ANXA8: variants seen among roughly 807,000 people sequenced by gnomAD.
The protein encoded by ANXA8 is annexin A8.
In ANXA8, 9 loss-of-function variants were observed where a neutral mutation model predicts 26.8. That is an observed-to-expected ratio of 0.34 (90% CI 0.20 to 0.59). ANXA8 has a LOEUF of 0.59. ANXA8 is among the 20% of genes least tolerant of loss of function. ANXA8 has a pLI of 0.84. For missense variants in ANXA8, 83 were observed against 238.5 expected (o/e 0.35, Z 4.29); for synonymous variants, 39 against 94.8 (o/e 0.41, Z 3.42).
At chr10:47,883,321 C>G in the ANXA8 span, among the ~76,000 whole-genome samples, 761 of 2,240 alleles carry the variant, frequency 0.34, 108 homozygotes, top group East Asian at 0.4. Context: ...AGGGCACGTG[C>G]CTGTTCCCAG....
At chr10:47,970,873 C>T in the ANXA8 span, among the ~76,000 whole-genome samples, 23 of 151,276 alleles carry the variant, frequency 1.5e-4, 1 homozygote, top group Non-Finnish European at 2.8e-4. Context: ...AGCTAAGGTG[C>T]TGGGCACACC....
chr10:47,594,981 C>T, the ANXA8 span, among the ~76,000 whole-genome samples: 1 of 149,366 alleles, frequency 6.7e-6, no homozygotes, highest in Non-Finnish European at 1.5e-5. Flanking sequence ...CCAAGGTTAA[C>T]ACAAAAGAAA....
chr10:47,920,623 C>T, the ANXA8 span: 2 of 126,632 alleles, frequency 1.6e-5, no homozygotes, highest in African/African-American at 6.0e-5. Context: ...ATACATATGG[C>T]CATGATATGA....
chr10:47,937,177 C>T, the ANXA8 span, among the ~76,000 whole-genome samples: 1 of 149,926 alleles, frequency 6.7e-6, no homozygotes, highest in South Asian at 2.1e-4. Context: ...GCTATGGGGG[C>T]TCTGGTCCAA....
the ANXA8 span, among the ~76,000 whole-genome samples, chr10:47,553,116 T>A: frequency 1.3e-3 from 200 of 152,074 alleles, no homozygotes; most frequent in African/African-American, 4.5e-3. Flanking sequence ...ATATTGCTTC[T>A]CTACTATATT....
At chr10:47,976,567 A>ACACACC in the ANXA8 span, among the ~76,000 whole-genome samples, 1 of 146,780 alleles carries the variant, frequency 6.8e-6, no homozygotes, top group Admixed American at 6.9e-5. Context: ...ACACACACAC[A>ACACACC]CACACAATTA....
the ANXA8 span, among the ~76,000 whole-genome samples, chr10:47,733,146 TTTC>T: frequency 3.2e-4 from 14 of 43,666 alleles, no homozygotes; most frequent in African/African-American, 1.3e-3. Context: ...CTCCCTAATC[TTTC>T]TTTCTTTCTT....
At chr10:47,502,708 C>T in the ANXA8 span, 1,776 of 1,608,262 alleles carry the variant, frequency 1.1e-3, 26 homozygotes, top group South Asian at 9.8e-3. Flanking sequence ...GGCGTTCCCA[C>T]GCATGTTTTG....
At chr10:47,536,732 G>C in the ANXA8 span, among the ~76,000 whole-genome samples, 1 of 125,600 alleles carries the variant, frequency 8.0e-6, no homozygotes, top group Non-Finnish European at 1.6e-5. Context: ...TGAGAGGGAG[G>C]ATCACTTGAG....
the ANXA8 span, among the ~76,000 whole-genome samples, chr10:47,679,525 G>A: frequency 6.6e-6 from 1 of 152,156 alleles, no homozygotes; most frequent in Admixed American, 6.5e-5. Context: ...TGAGGTGGGA[G>A]GATTGCTTGA....
At chr10:47,695,757 T>C in the ANXA8 span, among the ~76,000 whole-genome samples, 1 of 151,776 alleles carries the variant, frequency 6.6e-6, no homozygotes, top group Non-Finnish European at 1.5e-5. Flanking sequence ...TTCCCCTCTT[T>C]CTCTTTACAG....
the ANXA8 span, among the ~76,000 whole-genome samples, chr10:47,683,331 C>A: frequency 3.5e-4 from 52 of 150,590 alleles, no homozygotes; most frequent in Admixed American, 3.3e-4. Flanking sequence ...CTGGTTCACG[C>A]CATGCTCCTG....
the ANXA8 span, among the ~76,000 whole-genome samples, chr10:47,684,630 G>C: frequency 2.0e-5 from 3 of 151,754 alleles, no homozygotes; most frequent in Admixed American, 2.0e-4. Flanking sequence ...CTGTTGTCCA[G>C]GCTGGAGGGC....
the ANXA8 span, among the ~76,000 whole-genome samples, chr10:47,987,582 TACC>T: frequency 1.4e-5 from 2 of 147,238 alleles, no homozygotes; most frequent in Non-Finnish European, 3.0e-5. Flanking sequence ...CTTGGCCAAA[TACC>T]ACGAGGGAAC....
At chr10:47,674,084 C>T in the ANXA8 span, among the ~76,000 whole-genome samples, 1 of 151,438 alleles carries the variant, frequency 6.6e-6, no homozygotes, top group African/African-American at 2.4e-5. Context: ...GTCATTGTTA[C>T]AGTGAGGTTT....
At chr10:47,694,477 G>C in the ANXA8 span, among the ~76,000 whole-genome samples, 2 of 143,462 alleles carry the variant, frequency 1.4e-5, no homozygotes, top group Non-Finnish European at 3.0e-5. Context: ...CTGGAGTGCA[G>C]TGGCGTGATC....
At chr10:47,660,707 G>A in the ANXA8 span, among the ~76,000 whole-genome samples, 1 of 150,704 alleles carries the variant, frequency 6.6e-6, no homozygotes, top group Admixed American at 6.6e-5. Context: ...GGCCAAAAGT[G>A]GTATTTTCTA....
the ANXA8 span, among the ~76,000 whole-genome samples, chr10:47,720,374 C>T: frequency 1.4e-5 from 2 of 145,888 alleles, no homozygotes; most frequent in Non-Finnish European, 3.0e-5. Context: ...AACTCATTTT[C>T]CCACCTTAAC....
chr10:47,664,454 A>G, the ANXA8 span, among the ~76,000 whole-genome samples: 3 of 150,262 alleles, frequency 2.0e-5, no homozygotes, highest in African/African-American at 7.4e-5. Flanking sequence ...TGTAATCCCA[A>G]CTACTCGGGA....
Sources: allele counts gnomAD v4.1 joint callset (sites outside exome capture counted in the v4.1 genomes callset), GRCh38; gene constraint gnomAD v4.1.1; transcripts MANE v1.5; gene names NCBI Gene and HGNC (gene_info 2026-07-23, HGNC 2026-07-21).